Variants in ANO3 observed in about 807,000 individuals in gnomAD.
ANO3 encodes anoctamin-3.
In ANO3, 99 loss-of-function variants were observed where a neutral mutation model predicts 144.8. The observed-to-expected ratio is 0.68, with a 90% confidence interval of 0.58 to 0.81. ANO3 has a LOEUF of 0.81. Among genes scored for constraint, ANO3 ranks in the 30% least tolerant of loss-of-function variants. The pLI is 0.00. For missense variants in ANO3, 905 were observed against 1,202.2 expected, an observed-to-expected ratio of 0.75 and a Z score of 3.66; for synonymous variants, 414 against 392.6, an observed-to-expected ratio of 1.05 and a Z score of -0.64.
At chr11:26,238,700 TAC>T (rs1233124468) in intron 1 of ANO3, among the ~76,000 whole-genome samples, 1 of 152,024 alleles carries the variant, frequency 6.6e-6, no homozygotes, top group Non-Finnish European at 1.5e-5. Flanking sequence ...ATACAGAAAT[TAC>T]ACAGTGTATT....
chr11:26,446,868 G>T (rs1358254338), intron 3 of ANO3, among the ~76,000 whole-genome samples: 1 of 151,290 alleles, frequency 6.6e-6, no homozygotes, highest in Non-Finnish European at 1.5e-5. Flanking sequence ...TCCAAATTCT[G>T]CTGGGCCCAG....
chr11:26,416,475 G>C (rs1206213082), intron 1 of ANO3, among the ~76,000 whole-genome samples: 1 of 151,068 alleles, frequency 6.6e-6, no homozygotes, highest in African/African-American at 2.4e-5. Context: ...TGTCCAGACT[G>C]GAGTGCAGTG....
chr11:26,543,623 G>A (rs186525501), intron 11 of ANO3, among the ~76,000 whole-genome samples: 49 of 151,922 alleles, frequency 3.2e-4, no homozygotes, highest in South Asian at 8.3e-4. Flanking sequence ...GCCACACCAC[G>A]ACAGGCCCCA....
chr11:26,514,018 G>T (rs1294231388), intron 5 of ANO3, among the ~76,000 whole-genome samples: 1 of 150,828 alleles, frequency 6.6e-6, no homozygotes, highest in Non-Finnish European at 1.5e-5. Flanking sequence ...TATAGGCATA[G>T]AATAATTTAA....
intron 1 of ANO3, among the ~76,000 whole-genome samples, chr11:26,353,969 A>G (rs1855714333): frequency 6.6e-6 from 1 of 152,224 alleles, no homozygotes; most frequent in South Asian, 2.1e-4. Context: ...TGCCTGACAC[A>G]CAGTTGATAT....
chr11:26,499,707 T>C (rs549792500), intron 4 of ANO3, among the ~76,000 whole-genome samples: 13 of 152,028 alleles, frequency 8.6e-5, no homozygotes, highest in African/African-American at 3.1e-4. Context: ...GAAATATTTA[T>C]GAACTGTAAA....
intron 13 of ANO3, among the ~76,000 whole-genome samples, chr11:26,557,524 CT>C (rs1286612551): frequency 6.6e-6 from 1 of 151,168 alleles, no homozygotes; most frequent in East Asian, 1.9e-4. Flanking sequence ...TAAAGGCAAG[CT>C]GTTTTTCTAA....
chr11:26,492,969 A>C (rs1860769988), intron 4 of ANO3, among the ~76,000 whole-genome samples: 1 of 152,234 alleles, frequency 6.6e-6, no homozygotes, highest in Non-Finnish European at 1.5e-5. Context: ...TATGGTAGAA[A>C]GAAAAAGCTA....
chr11:26,476,932 T>TGTGTGTGTGA lies in ANO3; in HGVS notation c.432+13785_432+13786insTGTGTGTGAG, dbSNP rs1334120290. On this transcript the variant is annotated intron_variant, in intron 4 of 26. Transcript: ENST00000256737. ...GTGTGTGTGTGTGTGTGTGTGTGTG[T>TGTGTGTGTGA]GAGAGAGAGAGAGAGAGAGACTTTT... Among the ~76,000 whole-genome samples the TGTGTGTGTGA allele has an allele frequency of 3.1e-4, 42 of 134,030 alleles. 1 individual carries two copies. In the South Asian group the frequency reaches 3.2e-3, roughly 10 times the overall value. The allele number at this position is 134,030 out of a possible 152,430, so 87.9% of individuals were successfully genotyped here. A position where few individuals can be genotyped will look rare whatever the true frequency, so the allele number is the denominator to read the frequency against.
chr11:26,541,485 A>G (rs1849642715), intron 10 of ANO3, among the ~76,000 whole-genome samples: 1 of 152,060 alleles, frequency 6.6e-6, no homozygotes, highest in Non-Finnish European at 1.5e-5. Context: ...CTGGTGGCTG[A>G]GGCCTCTTAT....
At chr11:26,470,944 A>G (rs1226404415) in intron 4 of ANO3, among the ~76,000 whole-genome samples, 2 of 151,970 alleles carry the variant, frequency 1.3e-5, no homozygotes, top group South Asian at 2.1e-4. Flanking sequence ...GACAATAGCC[A>G]TTCAGGACTT....
rs1861885568 is a variant in ANO3, at chr11:26,516,932, T to C, written c.692+5T>C. On this transcript the variant is annotated splice_donor_5th_base_variant and intron_variant, in intron 6 of 26. Coordinates refer to ENST00000256737, the MANE Select transcript of ANO3 (RefSeq NM_031418.4). ...GAATATCAGGATGCCCTTCAGGTAC[T>C]TTCAAATTTTACTTTATTTTATCTC... 9.5e-6 allele frequency: 15 copies of C among 1,575,372 alleles called. No homozygotes were observed. Among genetic ancestry groups the C allele is most frequent in the Non-Finnish European group, 1.2e-5 (14 of 1,148,736 alleles).
intron 7 of ANO3, among the ~76,000 whole-genome samples, chr11:26,527,232 G>A (rs1849185730): frequency 6.6e-6 from 1 of 151,886 alleles, no homozygotes; most frequent in African/African-American, 2.4e-5. Flanking sequence ...CTCTGTTTTG[G>A]TCAAATGTAA....
intron 14 of ANO3, chr11:26,565,351 T>C (rs763025053): frequency 2.5e-6 from 4 of 1,612,814 alleles, no homozygotes; most frequent in South Asian, 1.1e-5. Flanking sequence ...GAAGAGAGGA[T>C]GCTAACTGTA....
At chr11:26,574,088 A>G (rs1850925331) in intron 14 of ANO3, among the ~76,000 whole-genome samples, 1 of 152,222 alleles carries the variant, frequency 6.6e-6, no homozygotes, top group Admixed American at 6.5e-5. Context: ...CCCAGCTGAG[A>G]TGACACACTG....
In ANO3 at chr11:26,322,139, A is replaced by G. The variant is rs536882776; in HGVS notation, c.-3+12420A>G. Among the ~76,000 whole-genome samples, 5 of 152,192 alleles carry G rather than the reference A, an allele frequency of 3.3e-5. No individual in the cohort carries two copies. The East Asian group carries it at 9.7e-4, about 29-fold the overall frequency. ...TATGTACCGCATTTTTTTAGCTGCA[A>G]AACCATGGTATTTAGCTCCAGAAAA... On this transcript the variant is annotated intron_variant, in intron 1 of 26. Coordinates refer to the ANO3 transcript ENST00000525139.
chr11:26,425,982 TTCCCGTGTAG>T (rs1565017665), intron 1 of ANO3, among the ~76,000 whole-genome samples: 1 of 152,148 alleles, frequency 6.6e-6, no homozygotes, highest in Non-Finnish European at 1.5e-5. Context: ...TATGTTACTT[TTCCCGTGTAG>T]TCTTAGTTTC....
chr11:26,253,468 T>C (rs1852984738), intron 1 of ANO3, among the ~76,000 whole-genome samples: 1 of 151,818 alleles, frequency 6.6e-6, no homozygotes, highest in African/African-American at 2.4e-5. Flanking sequence ...GCTTAACACC[T>C]GGGTGATGAA....
intron 1 of ANO3, among the ~76,000 whole-genome samples, chr11:26,419,387 C>T (rs1857687087): frequency 6.6e-6 from 1 of 152,132 alleles, no homozygotes; most frequent in South Asian, 2.1e-4. Flanking sequence ...TTCTGATTTT[C>T]ACGTCTATTG....
Sources: allele counts gnomAD v4.1 joint callset (sites outside exome capture counted in the v4.1 genomes callset), GRCh38; gene constraint gnomAD v4.1.1; transcripts MANE v1.5; gene names NCBI Gene and HGNC (gene_info 2026-07-23, HGNC 2026-07-21).